RHD: variants seen among roughly 807,000 people sequenced by gnomAD.
RHD encodes the protein blood group Rh(D) polypeptide.
Under a neutral mutation model 45.5 loss-of-function variants are expected in RHD, and 16 were observed. The observed-to-expected ratio is 0.35, with a 90% CI of 0.24 to 0.53. The LOEUF (loss-of-function observed/expected upper bound fraction) is 0.53. Ranked by LOEUF, RHD falls within the 20% of genes least tolerant of loss-of-function variation. The probability of loss-of-function intolerance (pLI) is 0.92; values close to 1 mark genes in which losing one functional copy is unlikely to be tolerated. For synonymous variants in RHD, 131 were observed against 217.5 expected (o/e 0.60, Z 3.50); for missense variants, 306 against 532.0 (o/e 0.58, Z 4.18).
rs575226630 is a variant in RHD at position 25,306,299 on chromosome 1, T to C, written c.940-297T>C. 6.6e-4 allele frequency among the ~76,000 whole-genome samples: 87 copies of C among 131,816 alleles called. 13 individuals carry two copies. The highest frequency in any genetic ancestry group is 1.9e-3 in the Admixed American group (26 of 13,692). 86.5% of individuals were successfully genotyped at this position (131,816 alleles called of 152,430 possible). A position where few individuals can be genotyped will look rare whatever the true frequency, so the allele number is the denominator to read the frequency against. On this transcript the variant is annotated intron_variant, in intron 6 of 9. Transcript: ENST00000328664. Reference sequence around the variant, plus strand: ...TTATCAGCTGAAATTGTGAACAGTGTCTACACTAGACCCTTGCTACTCATA... The same window carrying C: ...TTATCAGCTGAAATTGTGAACAGTGCCTACACTAGACCCTTGCTACTCATA...
rs1026818333 is a variant in RHD at position 25,303,008 on chromosome 1, G to A, written c.802-314G>A. On this transcript the variant is annotated intron_variant, in intron 5 of 9. Transcript: ENST00000328664. Reference sequence around the variant, plus strand: ...AATAAAACAAAAACCCATTCTTCCCGCTGCCCAGGGACACACCACTAATGA... The same window carrying A: ...AATAAAACAAAAACCCATTCTTCCCACTGCCCAGGGACACACCACTAATGA... 7.7e-5 allele frequency among the ~76,000 whole-genome samples: 10 copies of A among 130,562 alleles called. 2 individuals are homozygous for A. Among genetic ancestry groups the A allele is most frequent in the Admixed American group, 3.7e-4 (5 of 13,452 alleles). 85.7% of individuals were successfully genotyped at this position (130,562 alleles called of 152,430 possible).
rs1202715283 is a variant in RHD at position 25,303,073 on chromosome 1, C to A, written c.802-249C>A. 1.1e-4 allele frequency among the ~76,000 whole-genome samples: 15 copies of A among 131,744 alleles called. 5 individuals carry two copies. Among genetic ancestry groups the A allele is most frequent in the Admixed American group, 1.0e-3 (14 of 13,594 alleles). 86.4% of individuals were successfully genotyped at this position (131,744 alleles called of 152,430 possible). ...TAGGATGCTGAGCACCTGGACTTCC[C>A]AGCTCATTCCCTAAATGCTGCACAA... On this transcript the variant is annotated intron_variant, in intron 5 of 9. Transcript: ENST00000328664.
In RHD at chr1:25,280,551, C is replaced by A. The variant is rs1341823094; in HGVS notation, c.149-4022C>A. On this transcript the variant is annotated intron_variant, in intron 1 of 9. Transcript: ENST00000328664. ...AAACTCCTGACTTCAAGTGATCTGC[C>A]CACCTCAGCCTCCCAAAGTGCTAGG... Among the ~76,000 whole-genome samples, 3 of 127,682 alleles carry A rather than the reference C, an allele frequency of 2.3e-5. 1 individual carries two copies. The highest frequency in any genetic ancestry group is 5.5e-5 in the Non-Finnish European group (3 of 54,234). 83.8% of individuals were successfully genotyped at this position (127,682 alleles called of 152,430 possible).
chr1:25,276,429 A>C lies in RHD; in HGVS notation c.148+3734A>C, dbSNP rs112117123. ...GTAATAGTTAATTAAAAAAAAAAAAAAACACCCTGGCTGAGCATTTAGGGA... is the reference window on the plus strand; with the variant it reads ...GTAATAGTTAATTAAAAAAAAAAAACAACACCCTGGCTGAGCATTTAGGGA... On this transcript the variant is annotated intron_variant, in intron 1 of 9. Transcript: ENST00000328664. Among the ~76,000 whole-genome samples the C allele has an allele frequency of 1.2e-4, 15 of 125,770 alleles. 4 individuals are homozygous for C. The highest frequency in any genetic ancestry group is 3.0e-4 in the African/African-American group (11 of 36,070). 82.5% of individuals were successfully genotyped at this position (125,770 alleles called of 152,430 possible). A position where few individuals can be genotyped will look rare whatever the true frequency, so the allele number is the denominator to read the frequency against.
chr1:25,316,277 C>G (rs991731696), intron 7 of RHD, among the ~76,000 whole-genome samples: 2 of 129,472 alleles, frequency 1.5e-5, no homozygotes, highest in African/African-American at 5.3e-5. Context: ...CTACCCCACC[C>G]ACCTTGCCCC....
At chr1:25,288,638 C>G (rs1451462350) in intron 2 of RHD, among the ~76,000 whole-genome samples, 1 of 127,514 alleles carries the variant, frequency 7.8e-6, no homozygotes, top group Non-Finnish European at 1.8e-5. Context: ...AATGGAGGCA[C>G]CAAGGCACAG....
chr1:25,290,520 C>A, intron 2 of RHD, 121 bp from the exon 3 acceptor site: 1 of 917,976 alleles, frequency 1.1e-6, no homozygotes, highest in Non-Finnish European at 1.7e-6. Flanking sequence ...CTTCTATTCC[C>A]ACAGAAAGTA....
chr1:25,303,070 T>A (rs1189677654), intron 5 of RHD, among the ~76,000 whole-genome samples: 1 of 131,564 alleles, frequency 7.6e-6, no homozygotes, highest in African/African-American at 2.6e-5. Flanking sequence ...CACCTGGACT[T>A]CCCAGCTCAT....
intron 7 of RHD, among the ~76,000 whole-genome samples, chr1:25,311,286 C>A (rs1644131932): frequency 7.6e-6 from 1 of 130,830 alleles, no homozygotes; most frequent in Admixed American, 7.4e-5. Flanking sequence ...GTAGGTCAGC[C>A]ATGTTGTAGG....
chr1:25,307,555 T>C (rs1643913340), intron 7 of RHD: 1 of 578,596 alleles, frequency 1.7e-6, no homozygotes, highest in African/African-American at 1.9e-5. Context: ...TAGAAACCAT[T>C]ATATGCATTA....
At chr1:25,296,991 A>T (rs1363275610) in intron 3 of RHD, among the ~76,000 whole-genome samples, 1 of 131,792 alleles carries the variant, frequency 7.6e-6, no homozygotes, top group Non-Finnish European at 1.8e-5. Flanking sequence ...AAAAATGAGA[A>T]ATTGACATTG....
At chr1:25,313,346 C>T (rs1265008255) in intron 7 of RHD, among the ~76,000 whole-genome samples, 1 of 132,626 alleles carries the variant, frequency 7.5e-6, no homozygotes, top group East Asian at 1.9e-4. Flanking sequence ...ACAAATTACC[C>T]ATTCTGTGGT....
chr1:25,298,757 C>T lies in RHD; in HGVS notation c.487-2189C>T, dbSNP rs544756969. ...AGTGGAAAATACAACTCTCATGGAACGTCTGTTCCAGAAGGAAAGACTGCC... is the reference window on the plus strand; with the variant it reads ...AGTGGAAAATACAACTCTCATGGAATGTCTGTTCCAGAAGGAAAGACTGCC... On this transcript the variant is annotated intron_variant, in intron 3 of 9. Transcript: ENST00000328664. Among the ~76,000 whole-genome samples, 4 of 131,034 alleles carry T rather than the reference C, an allele frequency of 3.1e-5. 1 individual carries two copies. The highest frequency in any genetic ancestry group is 5.2e-5 in the African/African-American group (2 of 38,114). The allele number at this position is 131,034 out of a possible 152,430, so 86.0% of individuals were successfully genotyped here. A position where few individuals can be genotyped will look rare whatever the true frequency, so the allele number is the denominator to read the frequency against.
rs559044242 is a variant in RHD, at chr1:25,309,986, C to A, written c.1073+3257C>A. Among the ~76,000 whole-genome samples the A allele has an allele frequency of 7.6e-5, 10 of 132,280 alleles. 1 individual carries two copies. In the South Asian group the frequency reaches 9.3e-4, roughly 12 times the overall value. 86.8% of individuals were successfully genotyped at this position (132,280 alleles called of 152,430 possible). On this transcript the variant is annotated intron_variant, in intron 7 of 9. Coordinates refer to ENST00000328664, the MANE Select transcript of RHD (RefSeq NM_016124.6). ...TTCTGCCACTTATTACTTAAAAAAA[C>A]CCCAAAAAACCCAACTTATATAGTA...
chr1:25,273,989 CA>C (rs1640717742), intron 1 of RHD, among the ~76,000 whole-genome samples: 1 of 132,016 alleles, frequency 7.6e-6, no homozygotes, highest in Non-Finnish European at 1.8e-5. Context: ...AGAGCTGGCA[CA>C]ATTTTAATTC....
Position 25,287,911 on chromosome 1 carries a change from A to C in RHD, c.336-2730A>C, listed in dbSNP as rs1336524342. Reference sequence around the variant, plus strand: ...CTAATTTTTGTATTTTTAGTAGACAAGGGGTTTCACCAGGTGGGTCAGGTT... The same window carrying C: ...CTAATTTTTGTATTTTTAGTAGACACGGGGTTTCACCAGGTGGGTCAGGTT... On this transcript the variant is annotated intron_variant, in intron 2 of 9. Transcript: ENST00000328664. Among the ~76,000 whole-genome samples the C allele has an allele frequency of 6.1e-5, 8 of 131,136 alleles. 1 individual carries two copies. Among genetic ancestry groups the C allele is most frequent in the East Asian group, 2.0e-4 (1 of 5,058 alleles). The allele number at this position is 131,136 out of a possible 152,430, so 86.0% of individuals were successfully genotyped here.
chr1:25,285,237 C>T (rs1343703210), intron 2 of RHD, among the ~76,000 whole-genome samples: 8 of 132,368 alleles, frequency 6.0e-5, no homozygotes, highest in African/African-American at 5.3e-5. Flanking sequence ...TGGGTTCAAG[C>T]GATTCTCCTG....
chr1:25,281,195 C>T lies in RHD; in HGVS notation c.149-3378C>T, dbSNP rs1217525012. The stretch of plus-strand genomic sequence containing the variant: ...GGCATTCAGAGCTGGGCTCTGCTGC[C>T]GGCATGTTTGGGGCCTGGTAGTTAG... On this transcript the variant is annotated intron_variant, in intron 1 of 9. Transcript: ENST00000328664. Among the ~76,000 whole-genome samples the T allele has an allele frequency of 4.6e-5, 6 of 131,640 alleles. 2 individuals are homozygous for T. The highest frequency in any genetic ancestry group is 7.9e-5 in the African/African-American group (3 of 38,130). The allele number at this position is 131,640 out of a possible 152,430, so 86.4% of individuals were successfully genotyped here.
rs1643625097 is a variant in RHD at position 25,304,341 on chromosome 1, G to T, written c.939+882G>T. On this transcript the variant is annotated intron_variant, in intron 6 of 9. Coordinates refer to ENST00000328664, the MANE Select transcript of RHD (RefSeq NM_016124.6). ...AATTAGGAAAAACTGGCTGGGCGCA[G>T]TGGCTCACGCGCTTTGGGAGGCCGA... The T allele has an allele frequency of 1.7e-5, 2 of 121,048 alleles. 1 individual carries two copies. The highest frequency in any genetic ancestry group is 3.9e-5 in the Non-Finnish European group (2 of 51,708). The allele number at this position is 121,048 out of a possible 1,614,324, so 7.5% of individuals were successfully genotyped here.
Sources: allele counts gnomAD v4.1 joint callset (sites outside exome capture counted in the v4.1 genomes callset), GRCh38; gene constraint gnomAD v4.1.1; transcripts MANE v1.5; gene names NCBI Gene and HGNC (gene_info 2026-07-23, HGNC 2026-07-21).